RIT2: variants seen among roughly 807,000 people sequenced by gnomAD.
RIT2 encodes the protein GTP-binding protein Rit2.
Under a neutral mutation model 23.7 loss-of-function variants are expected in RIT2, and 24 were observed. That is an observed-to-expected ratio of 1.01 (90% CI 0.73 to 1.43). RIT2 has a LOEUF of 1.43. RIT2 is among the 40% of genes most tolerant of loss of function. The pLI, the probability that RIT2 is intolerant of heterozygous loss-of-function variation, is 0.00. For missense variants in RIT2, 236 were observed against 266.9 expected (o/e 0.88, Z 0.81); for synonymous variants, 107 against 91.1 (o/e 1.17, Z -0.99).
rs550667905 is a variant in RIT2 at position 42,867,736 on chromosome 18, G to A, written c.426+55836C>T. Among the ~76,000 whole-genome samples the A allele has an allele frequency of 2.0e-5, 3 of 152,242 alleles. No homozygotes were observed. The South Asian group carries it at 6.2e-4, about 32-fold the overall frequency. On this transcript the variant is annotated intron_variant, in intron 4 of 4. Transcript: ENST00000326695. ...TTCAGTCCAGGAGGTCGAGGCTTCA[G>A]TGAGCCAAGATTGCACCACTGCACT... is the stretch of plus-strand genomic sequence containing the variant.
chr18:42,754,330 T>G (rs1298528348), intron 4 of RIT2, among the ~76,000 whole-genome samples: 1 of 152,084 alleles, frequency 6.6e-6, no homozygotes, highest in Non-Finnish European at 1.5e-5. Context: ...GTAAGGGGTG[T>G]GGAGTGGGGA....
chr18:42,749,391 T>A (rs1026023015), intron 4 of RIT2, among the ~76,000 whole-genome samples: 99 of 151,810 alleles, frequency 6.5e-4, no homozygotes, highest in African/African-American at 1.9e-3. Context: ...AATTTAATGA[T>A]CAAAATATTA....
At chr18:43,082,130 T>C (rs996646357) in intron 1 of RIT2, among the ~76,000 whole-genome samples, 6 of 152,212 alleles carry the variant, frequency 3.9e-5, no homozygotes, top group Admixed American at 1.3e-4. Context: ...TGGGAGGGTG[T>C]ATGTGTCCAG....
intron 1 of RIT2, among the ~76,000 whole-genome samples, chr18:43,039,699 C>T (rs1912082661): frequency 1.3e-5 from 2 of 152,100 alleles, no homozygotes; most frequent in Non-Finnish European, 2.9e-5. Context: ...GCATAGATCA[C>T]ATGTGGTTTA....
chr18:42,844,015 G>A lies in RIT2; in HGVS notation c.426+79557C>T, dbSNP rs565373265. Among the ~76,000 whole-genome samples the A allele has an allele frequency of 1.2e-4, 18 of 152,290 alleles. 1 individual carries two copies. The South Asian group carries it at 2.5e-3, about 21-fold the overall frequency. On this transcript the variant is annotated intron_variant, in intron 4 of 4. Coordinates refer to ENST00000326695, the MANE Select transcript of RIT2 (RefSeq NM_002930.4). ...CTAATTGATAATTAAAGTGATGCAG[G>A]ATTTTCTCAGACCATTTTTTGGACT...
At chr18:43,094,086 AAG>A (rs1913488881) in intron 1 of RIT2, among the ~76,000 whole-genome samples, 1 of 151,048 alleles carries the variant, frequency 6.6e-6, no homozygotes. Flanking sequence ...AAAATCCATG[AAG>A]AACATTTCAA....
chr18:43,006,063 A>C (rs1274387026), intron 2 of RIT2, among the ~76,000 whole-genome samples: 1 of 151,728 alleles, frequency 6.6e-6, no homozygotes, highest in East Asian at 1.9e-4. Context: ...AAAAATTGAG[A>C]ATAACAGGCT....
chr18:42,964,407 TC>T lies in RIT2; in HGVS notation c.234+9666del, dbSNP rs1598732077. 4.0e-5 allele frequency among the ~76,000 whole-genome samples: 6 copies of T among 151,876 alleles called. No homozygotes were observed. The East Asian group carries it at 1.2e-3, about 30-fold the overall frequency. On this transcript the variant is annotated intron_variant, in intron 3 of 4. Transcript: ENST00000326695. ...GCCCACAAGGAAATTCCTAGTGAGC[TC>T]CAAGATTTTTACCCTAAAGTGTTTC...
intron 4 of RIT2, among the ~76,000 whole-genome samples, chr18:42,777,227 C>T (rs1266175773): frequency 3.3e-5 from 5 of 150,960 alleles, no homozygotes; most frequent in African/African-American, 1.2e-4. Context: ...AAATATTAAG[C>T]CTTCCAATGG....
rs187950239 is a variant in RIT2 at position 42,894,136 on chromosome 18, C to T, written c.426+29436G>A. Reference sequence around the variant, plus strand: ...AGCTGTACATCACTCCTGTCACCTCCCTATATATCCTGTGGTGGCAATGAC... The same window carrying T: ...AGCTGTACATCACTCCTGTCACCTCTCTATATATCCTGTGGTGGCAATGAC... On this transcript the variant is annotated intron_variant, in intron 4 of 4. Coordinates refer to ENST00000326695, the MANE Select transcript of RIT2 (RefSeq NM_002930.4). Among the ~76,000 whole-genome samples, 13 of 152,284 alleles carry T rather than the reference C, an allele frequency of 8.5e-5. No homozygotes were observed. The East Asian group carries it at 2.5e-3, about 29-fold the overall frequency.
At chr18:42,804,238 T>C (rs1905615491) in intron 4 of RIT2, among the ~76,000 whole-genome samples, 1 of 152,112 alleles carries the variant, frequency 6.6e-6, no homozygotes, top group Non-Finnish European at 1.5e-5. Flanking sequence ...CACTCCAACA[T>C]GGATTAAGAC....
At chr18:42,870,912 T>C (rs1166066419) in intron 4 of RIT2, among the ~76,000 whole-genome samples, 1 of 152,234 alleles carries the variant, frequency 6.6e-6, no homozygotes, top group Non-Finnish European at 1.5e-5. Flanking sequence ...AACAGCTTAA[T>C]TTCCCATAAA....
At chr18:42,936,017 G>A (rs1031192161) in intron 3 of RIT2, among the ~76,000 whole-genome samples, 5 of 151,544 alleles carry the variant, frequency 3.3e-5, no homozygotes, top group African/African-American at 1.2e-4. Flanking sequence ...AGTGCGAAAG[G>A]GGGTGGTGCA....
At chr18:42,910,253 C>A (rs1035153223) in intron 4 of RIT2, among the ~76,000 whole-genome samples, 2 of 152,052 alleles carry the variant, frequency 1.3e-5, no homozygotes, top group African/African-American at 4.8e-5. Flanking sequence ...CCTAATCTAT[C>A]AGTAATTATT....
intron 4 of RIT2, among the ~76,000 whole-genome samples, chr18:42,892,123 T>C (rs1314863326): frequency 6.6e-6 from 1 of 152,186 alleles, no homozygotes; most frequent in East Asian, 1.9e-4. Flanking sequence ...CAGGTCAGTG[T>C]TACATTCTGC....
intron 4 of RIT2, among the ~76,000 whole-genome samples, chr18:42,883,553 C>T (rs564082369): frequency 3.9e-5 from 6 of 152,080 alleles, no homozygotes; most frequent in African/African-American, 2.4e-5. Context: ...CCTTTTGCTT[C>T]GTCCAACATA....
chr18:42,824,191 T>C (rs1331525412), intron 4 of RIT2, among the ~76,000 whole-genome samples: 1 of 152,154 alleles, frequency 6.6e-6, no homozygotes, highest in Non-Finnish European at 1.5e-5. Flanking sequence ...AAATGTACCA[T>C]ATTTTTAACC....
chr18:43,082,891 G>T (rs895622782), intron 1 of RIT2, among the ~76,000 whole-genome samples: 1 of 152,120 alleles, frequency 6.6e-6, no homozygotes, highest in African/African-American at 2.4e-5. Flanking sequence ...GGGCAATCAG[G>T]CAAGAGAAAG....
At chr18:42,914,756 C>T (rs544605531) in intron 4 of RIT2, among the ~76,000 whole-genome samples, 1 of 152,050 alleles carries the variant, frequency 6.6e-6, no homozygotes. Flanking sequence ...CACATACACA[C>T]ATGCATGAGT....
Sources: allele counts gnomAD v4.1 joint callset (sites outside exome capture counted in the v4.1 genomes callset), GRCh38; gene constraint gnomAD v4.1.1; transcripts MANE v1.5; gene names NCBI Gene and HGNC (gene_info 2026-07-23, HGNC 2026-07-21).